Variants in ZNF385D observed in about 807,000 individuals in gnomAD.
ZNF385D encodes zinc finger protein 659.
ZNF385D carries 15 observed loss-of-function variants against 35.8 expected under a neutral mutation model. The observed-to-expected ratio is 0.42, with a 90% CI of 0.28 to 0.64. The LOEUF (loss-of-function observed/expected upper bound fraction) is 0.64. Ranked by LOEUF, ZNF385D falls within the 30% of genes least tolerant of loss-of-function variation. The probability of loss-of-function intolerance (pLI) is 0.23; values close to 1 mark genes in which losing one functional copy is unlikely to be tolerated. For missense variants in ZNF385D, 474 were observed against 494.6 expected (o/e 0.96, Z 0.39); for synonymous variants, 212 against 186.8 (o/e 1.13, Z -1.10).
At chr3:21,664,831 A>C (rs2066353955) in intron 2 of ZNF385D, 55 bp downstream of exon 2, 3 of 1,611,196 alleles carry the variant, frequency 1.9e-6, no homozygotes, top group African/African-American at 2.7e-5. Context: ...CTGGCCTTTA[A>C]GTTAGTTTTC....
At chr3:21,795,993 T>C (rs1274810745) in intron 3 of ZNF385D, among the ~76,000 whole-genome samples, 4 of 152,222 alleles carry the variant, frequency 2.6e-5, no homozygotes, top group African/African-American at 7.2e-5. Context: ...GGTAATTTTC[T>C]CAAATAGAAA....
intron 3 of ZNF385D, among the ~76,000 whole-genome samples, chr3:21,961,726 A>G (rs1172099007): frequency 8.5e-5 from 13 of 152,258 alleles, no homozygotes; most frequent in African/African-American, 2.9e-4. Context: ...TTCTAACATG[A>G]TCCAGGGATT....
intron 1 of ZNF385D, among the ~76,000 whole-genome samples, chr3:21,688,312 C>G (rs2067174666): frequency 6.6e-6 from 1 of 152,054 alleles, no homozygotes; most frequent in Admixed American, 6.6e-5. Flanking sequence ...TATACCATAA[C>G]TAGTTTAAAC....
intron 3 of ZNF385D, among the ~76,000 whole-genome samples, chr3:21,838,825 G>C (rs539758116): frequency 6.6e-6 from 1 of 152,104 alleles, no homozygotes; most frequent in African/African-American, 2.4e-5. Flanking sequence ...TAGGTGTCTT[G>C]ATTTCAGAGA....
chr3:22,032,811 T>C (rs961311140), intron 3 of ZNF385D, among the ~76,000 whole-genome samples: 1 of 152,152 alleles, frequency 6.6e-6, no homozygotes, highest in Non-Finnish European at 1.5e-5. Context: ...CTGATTTGCA[T>C]GCTTTAGATG....
intron 2 of ZNF385D, among the ~76,000 whole-genome samples, chr3:21,605,797 C>T (rs886088019): frequency 2.0e-5 from 3 of 152,164 alleles, no homozygotes; most frequent in African/African-American, 7.2e-5. Context: ...TGGATGAGGA[C>T]ATTGAAAGAT....
chr3:21,967,622 T>C (rs1485255823), intron 3 of ZNF385D, among the ~76,000 whole-genome samples: 1 of 152,198 alleles, frequency 6.6e-6, no homozygotes, highest in African/African-American at 2.4e-5. Context: ...TTTTGACATA[T>C]GCCAAGATAT....
intron 2 of ZNF385D, among the ~76,000 whole-genome samples, chr3:22,279,744 T>C (rs1701641384): frequency 6.6e-6 from 1 of 151,772 alleles, no homozygotes; most frequent in South Asian, 2.1e-4. Flanking sequence ...CTGCTATAAA[T>C]ATGCGTGTGC....
At chr3:22,149,079 C>T (rs1705056598) in intron 3 of ZNF385D, among the ~76,000 whole-genome samples, 1 of 152,144 alleles carries the variant, frequency 6.6e-6, no homozygotes, top group African/African-American at 2.4e-5. Flanking sequence ...GCAGCCGCAG[C>T]ATCAACTAAG....
chr3:22,006,246 C>G (rs1427825951), intron 3 of ZNF385D, among the ~76,000 whole-genome samples: 1 of 152,062 alleles, frequency 6.6e-6, no homozygotes, highest in Non-Finnish European at 1.5e-5. Flanking sequence ...CTTAGTGTAT[C>G]TGTGGTAAGA....
chr3:21,473,322 T>G (rs1265831578), intron 4 of ZNF385D, among the ~76,000 whole-genome samples: 1 of 152,046 alleles, frequency 6.6e-6, no homozygotes, highest in East Asian at 1.9e-4. Context: ...TTTCCCAAAT[T>G]AACTCCCACA....
intron 3 of ZNF385D, among the ~76,000 whole-genome samples, chr3:21,969,786 T>C (rs1359748813): frequency 1.9e-5 from 2 of 104,834 alleles, no homozygotes; most frequent in African/African-American, 4.7e-5. Context: ...TGACTCAGCA[T>C]AGTTCCAGTG....
intron 3 of ZNF385D, among the ~76,000 whole-genome samples, chr3:21,783,392 T>A (rs993519545): frequency 6.6e-6 from 1 of 152,122 alleles, no homozygotes; most frequent in African/African-American, 2.4e-5. Context: ...AGACCTTCAA[T>A]GAAATCTTTG....
At chr3:21,973,140 C>T (rs971546821) in intron 3 of ZNF385D, among the ~76,000 whole-genome samples, 3 of 151,660 alleles carry the variant, frequency 2.0e-5, no homozygotes, top group Non-Finnish European at 3.0e-5. Context: ...TCAATATCCC[C>T]GATGAACACT....
At chr3:22,181,754 G>A (rs1695294570) in intron 2 of ZNF385D, among the ~76,000 whole-genome samples, 1 of 151,788 alleles carries the variant, frequency 6.6e-6, no homozygotes, top group African/African-American at 2.4e-5. Context: ...ATCATGAGTG[G>A]GATTATGTTA....
intron 3 of ZNF385D, among the ~76,000 whole-genome samples, chr3:21,920,359 A>C (rs1700394072): frequency 6.6e-6 from 1 of 152,232 alleles, no homozygotes; most frequent in Non-Finnish European, 1.5e-5. Flanking sequence ...TGCTTGCTGT[A>C]ACTCCAGGGA....
chr3:21,756,131 A>G (rs1366627057), upstream of ZNF385D, among the ~76,000 whole-genome samples: 5 of 152,164 alleles, frequency 3.3e-5, no homozygotes, highest in Non-Finnish European at 2.9e-5. Flanking sequence ...TAAAGCGAGC[A>G]AGGACAGATG....
At chr3:22,361,983 T>G (rs1273486446) in intron 2 of ZNF385D, among the ~76,000 whole-genome samples, 2 of 151,798 alleles carry the variant, frequency 1.3e-5, no homozygotes, top group Non-Finnish European at 2.9e-5. Flanking sequence ...GACATAGAAA[T>G]GTAAATCCCA....
chr3:22,012,362 T>C (rs1051795561), intron 3 of ZNF385D, among the ~76,000 whole-genome samples: 1 of 152,190 alleles, frequency 6.6e-6, no homozygotes, highest in Non-Finnish European at 1.5e-5. Flanking sequence ...CATAACATGC[T>C]AACTATATAC....
Sources: allele counts gnomAD v4.1 joint callset (sites outside exome capture counted in the v4.1 genomes callset), GRCh38; gene constraint gnomAD v4.1.1; transcripts MANE v1.5; gene names NCBI Gene and HGNC (gene_info 2026-07-23, HGNC 2026-07-21).